The following NEK5 variants were observed in gnomAD, a reference collection of about 807,000 sequenced individuals.
NEK5 encodes the protein serine/threonine-protein kinase Nek5.
NEK5 carries 88 observed loss-of-function variants against 109.2 expected under a neutral mutation model. The ratio of observed to expected loss-of-function variants is 0.81; its 90% CI spans 0.68 to 0.96. NEK5 has a LOEUF of 0.96. NEK5 is among the 40% of genes least tolerant of loss of function. The pLI is 0.00. For missense variants in NEK5, 834 were observed against 920.7 expected, an observed-to-expected ratio of 0.91 and a Z score of 1.22; for synonymous variants, 283 against 299.9, an observed-to-expected ratio of 0.94 and a Z score of 0.58.
chr13:52,094,035 C>A (rs1465318350), intron 12 of NEK5, among the ~76,000 whole-genome samples: 3 of 152,168 alleles, frequency 2.0e-5, no homozygotes, highest in African/African-American at 7.2e-5. Context: ...CAGAATCATT[C>A]TTCCAGAGAA....
chr13:52,060,354 CT>C lies in NEK5; in HGVS notation c.2110+1464del, dbSNP rs968536871. The stretch of plus-strand genomic sequence containing the variant: ...TTGTAGTGGTAATTAACTTTGTAAA[CT>C]TTTTTTTGTTTTTTTTTAGACAAAG... On this transcript the variant is annotated intron_variant, in intron 22 of 23. Coordinates refer to ENST00000684899, the MANE Select transcript of NEK5 (RefSeq NM_001365552.1). 9.9e-5 allele frequency among the ~76,000 whole-genome samples: 15 copies of C among 151,884 alleles called. No homozygotes were observed. In the South Asian group the frequency reaches 1.5e-3, roughly 15 times the overall value.
chr13:52,114,603 G>A (rs1334794906), intron 4 of NEK5, among the ~76,000 whole-genome samples: 2 of 152,220 alleles, frequency 1.3e-5, no homozygotes, highest in African/African-American at 2.4e-5. Flanking sequence ...CCATTCTACT[G>A]TTAAGGAGGC....
chr13:52,046,278 A>G (rs908611682), intron 23 of NEK5, among the ~76,000 whole-genome samples: 2 of 150,246 alleles, frequency 1.3e-5, no homozygotes, highest in African/African-American at 4.9e-5. Context: ...GGAGTTCAAG[A>G]CCAGCCTGGG....
intron 17 of NEK5, among the ~76,000 whole-genome samples, chr13:52,078,981 T>C (rs893211809): frequency 1.3e-5 from 2 of 152,230 alleles, no homozygotes; most frequent in African/African-American, 2.4e-5. Context: ...TTCATACTAC[T>C]GCAAGGCAGA....
intron 7 of NEK5, 93 bp downstream of exon 7, chr13:52,110,247 C>T (rs1377259156): frequency 1.2e-6 from 1 of 826,504 alleles, no homozygotes; most frequent in African/African-American, 1.7e-5. Context: ...ATTTAGACAA[C>T]CAAGATTTTA....
intron 14 of NEK5, among the ~76,000 whole-genome samples, chr13:52,087,667 C>A (rs1051292382): frequency 6.6e-6 from 1 of 152,048 alleles, no homozygotes; most frequent in African/African-American, 2.4e-5. Flanking sequence ...ACTCTGTCAC[C>A]CAGGCTGGAG....
At chr13:52,101,845 A>G (rs1955538848) in intron 11 of NEK5, 88 bp downstream of exon 11, 2 of 1,082,148 alleles carry the variant, frequency 1.8e-6, no homozygotes, top group Non-Finnish European at 2.9e-6. Flanking sequence ...GTCCACTTTC[A>G]ATATGTTTGG....
intron 9 of NEK5, among the ~76,000 whole-genome samples, chr13:52,103,665 C>T (rs1051340588): frequency 6.6e-6 from 1 of 152,168 alleles, no homozygotes; most frequent in African/African-American, 2.4e-5. Context: ...TTTATGTGAA[C>T]AAAATGGTTT....
intron 5 of NEK5, among the ~76,000 whole-genome samples, 174 bp downstream of exon 5, chr13:52,112,094 A>G (rs551920755): frequency 2.0e-5 from 3 of 152,310 alleles, no homozygotes; most frequent in Admixed American, 6.5e-5. Context: ...GTTCAATTGC[A>G]AACTTGTTCT....
chr13:52,118,587 C>T lies in NEK5; in HGVS notation c.214+732G>A, dbSNP rs576004317. ...TTTGGACTACAGTGATGCGTGGAGG[C>T]AGAATTGTATTCAGATGTATGGAGG... On this transcript the variant is annotated intron_variant, in intron 4 of 23. Coordinates refer to ENST00000684899, the MANE Select transcript of NEK5 (RefSeq NM_001365552.1). Among the ~76,000 whole-genome samples, 3 of 152,250 alleles carry T rather than the reference C, an allele frequency of 2.0e-5. No homozygotes were observed. In the East Asian group the frequency reaches 5.8e-4, roughly 29 times the overall value.
chr13:52,112,327 C>A lies in NEK5; in HGVS notation c.253G>T (p.Gly85Ter). The A allele has an allele frequency of 6.2e-7, 1 of 1,610,570 alleles. No homozygotes were observed. The highest frequency in any genetic ancestry group is 8.5e-7 in the Non-Finnish European group (1 of 1,176,964). The change falls in exon 5 of 24, where the codon GGA becomes TGA. Residue 85 changes from glycine (G) to a stop codon, truncating the protein, a stop_gained. Coordinates refer to ENST00000684899, the MANE Select transcript of NEK5 (RefSeq NM_001365552.1). LOFTEE classifies it high-confidence loss of function. ...TTGATCCTTTTCATGAGATCCCCTCCATCACAATATTCCATTACAATAAAC... is the reference window on the plus strand; with the variant it reads ...TTGATCCTTTTCATGAGATCCCCTCAATCACAATATTCCATTACAATAAAC... ...RLFIVMEYCD[G>*]GDLMKRINRQ... is the part of the protein sequence containing the mutation.
At chr13:52,090,983 G>A (rs1955270621) in intron 13 of NEK5, among the ~76,000 whole-genome samples, 3 of 151,772 alleles carry the variant, frequency 2.0e-5, no homozygotes, top group Middle Eastern at 3.4e-3. Flanking sequence ...CCAAGATCGC[G>A]TCACTGCACT....
chr13:52,048,960 A>G (rs757906729), intron 23 of NEK5, among the ~76,000 whole-genome samples: 13 of 152,190 alleles, frequency 8.5e-5, no homozygotes, highest in Non-Finnish European at 1.8e-4. Flanking sequence ...ATACTTGAAA[A>G]TTGCTGAGAG....
chr13:52,078,848 T>G (rs2137831859), intron 17 of NEK5, among the ~76,000 whole-genome samples: 1 of 152,340 alleles, frequency 6.6e-6, no homozygotes, highest in East Asian at 1.9e-4. Context: ...CGTTGTATTT[T>G]AAGGAAAGTA....
At chr13:52,104,221 C>T (rs181781824) in intron 9 of NEK5, among the ~76,000 whole-genome samples, 204 of 152,304 alleles carry the variant, frequency 1.3e-3, no homozygotes, top group African/African-American at 4.7e-3. Context: ...CCTCAGCCTC[C>T]CAAAGTGCTG....
intron 16 of NEK5, 62 bp downstream of exon 16, chr13:52,086,215 C>T: frequency 3.0e-6 from 3 of 1,013,158 alleles, no homozygotes; most frequent in Non-Finnish European, 4.7e-6. Flanking sequence ...CTTTTAATAC[C>T]AGCTCAATTT....
rs1430046615 is a variant in NEK5, at chr13:52,035,495, C to T, written c.*1453G>A. 6.6e-6 allele frequency: 1 copy of T among 152,170 alleles called. No individual in the cohort carries two copies. The highest frequency in any genetic ancestry group is 6.5e-5 in the Admixed American group (1 of 15,280). 9.4% of individuals were successfully genotyped at this position (152,170 alleles called of 1,614,324 possible). ...CCACCCTCTCCTTCCTAAGCCCAGA[C>T]ATACTCCTTAGTATTTAAATAAACA... On this transcript the variant is annotated 3_prime_UTR_variant, in exon 24 of 24. Transcript: ENST00000684899.
chr13:52,104,887 ATTTGT>A, intron 8 of NEK5, among the ~76,000 whole-genome samples: 1 of 152,354 alleles, frequency 6.6e-6, no homozygotes, highest in South Asian at 2.1e-4. Flanking sequence ...TCAAACATGG[ATTTGT>A]TTTGACTCAA....
intron 23 of NEK5, among the ~76,000 whole-genome samples, chr13:52,043,549 AAAGAAAG>A (rs1954432017): frequency 6.8e-6 from 1 of 146,662 alleles, no homozygotes; most frequent in African/African-American, 2.5e-5. Context: ...AAAAAAAAAA[AAAGAAAG>A]AAAAAGAAAA....
Sources: gnomAD v4.1 joint callset for allele counts (sites outside exome capture counted in the v4.1 genomes callset) on GRCh38, gnomAD v4.1.1 for gene constraint, MANE v1.5 for transcripts, NCBI Gene and HGNC (gene_info 2026-07-23, HGNC 2026-07-21) for gene names.